KCNH8: variants seen among roughly 807,000 people sequenced by gnomAD.
The protein encoded by KCNH8 is potassium voltage-gated channel subfamily H member 8.
Under a neutral mutation model 103.6 loss-of-function variants are expected in KCNH8, and 70 were observed. That is an observed-to-expected ratio of 0.68 (90% CI 0.56 to 0.82). The LOEUF (loss-of-function observed/expected upper bound fraction) is 0.82, where lower values mean the gene tolerates loss of function less well. KCNH8 is among the 40% of genes least tolerant of loss of function. The pLI, the probability that KCNH8 is intolerant of heterozygous loss-of-function variation, is 0.00. For synonymous variants in KCNH8, 498 were observed against 489.4 expected (o/e 1.02, Z -0.23); for missense variants, 1,217 against 1,329.9 (o/e 0.92, Z 1.32).
intron 11 of KCNH8, among the ~76,000 whole-genome samples, chr3:19,493,965 A>G (rs752441887): frequency 1.3e-5 from 2 of 152,164 alleles, no homozygotes; most frequent in African/African-American, 2.4e-5. Flanking sequence ...TACTAAGCCT[A>G]GTATCCAATA....
intron 11 of KCNH8, among the ~76,000 whole-genome samples, chr3:19,482,568 A>G (rs530676794): frequency 6.6e-6 from 1 of 152,228 alleles, no homozygotes; most frequent in Non-Finnish European, 1.5e-5. Flanking sequence ...GTAAACAAGG[A>G]AGCAATAAGC....
intron 7 of KCNH8, among the ~76,000 whole-genome samples, chr3:19,411,778 C>A (rs568330768): frequency 6.7e-6 from 1 of 148,586 alleles, no homozygotes; most frequent in Non-Finnish European, 1.5e-5. Context: ...CACACACAGA[C>A]ACACACACAC....
At chr3:19,186,295 A>G (rs866676267) in intron 1 of KCNH8, among the ~76,000 whole-genome samples, 6,249 of 151,390 alleles carry the variant, frequency 0.041, 464 homozygotes, top group African/African-American at 0.14. Flanking sequence ...TGTAAAAAAA[A>G]AAAAAAAAGA....
chr3:19,302,635 A>G (rs151042746), intron 3 of KCNH8, among the ~76,000 whole-genome samples: 66 of 152,292 alleles, frequency 4.3e-4, no homozygotes, highest in African/African-American at 1.6e-3. Flanking sequence ...ATTTCTTCAT[A>G]TCCTTAGAAA....
intron 11 of KCNH8, among the ~76,000 whole-genome samples, chr3:19,494,979 T>C (rs1446988332): frequency 6.6e-6 from 1 of 152,224 alleles, no homozygotes; most frequent in Admixed American, 6.5e-5. Flanking sequence ...ATATGTTTTC[T>C]AGCCACTTGT....
At chr3:19,230,850 C>A (rs148892258) in intron 1 of KCNH8, among the ~76,000 whole-genome samples, 1 of 152,122 alleles carries the variant, frequency 6.6e-6, no homozygotes, top group Admixed American at 6.5e-5. Flanking sequence ...TTCTTCGGAA[C>A]GCAAATTTGC....
At chr3:19,227,750 A>T (rs2063947910) in intron 1 of KCNH8, among the ~76,000 whole-genome samples, 1 of 152,198 alleles carries the variant, frequency 6.6e-6, no homozygotes, top group Non-Finnish European at 1.5e-5. Context: ...ATTGTGAAGT[A>T]TAGATAATGT....
chr3:19,487,494 A>G (rs1170313199), intron 11 of KCNH8, among the ~76,000 whole-genome samples: 1 of 152,054 alleles, frequency 6.6e-6, no homozygotes, highest in East Asian at 1.9e-4. Context: ...CCTGAGATGA[A>G]CCTGGATTCC....
chr3:19,463,365 G>C (rs904797787), intron 11 of KCNH8, among the ~76,000 whole-genome samples: 4 of 151,094 alleles, frequency 2.6e-5, no homozygotes, highest in African/African-American at 9.9e-5. Flanking sequence ...AAAGTTAATA[G>C]AGGACAAAAT....
intron 7 of KCNH8, among the ~76,000 whole-genome samples, chr3:19,403,399 T>TATATAA (rs1491066162): frequency 1.4e-5 from 2 of 139,768 alleles, no homozygotes; most frequent in South Asian, 2.3e-4. Flanking sequence ...TATATATATA[T>TATATAA]AAAATCCTTC....
At chr3:19,286,483 T>C (rs921692786) in intron 3 of KCNH8, among the ~76,000 whole-genome samples, 1 of 152,152 alleles carries the variant, frequency 6.6e-6, no homozygotes, top group African/African-American at 2.4e-5. Context: ...AACCTTAATC[T>C]TGAATCTCTA....
chr3:19,416,720 A>T (rs1225985700), intron 7 of KCNH8, among the ~76,000 whole-genome samples: 1 of 152,328 alleles, frequency 6.6e-6, no homozygotes, highest in South Asian at 2.1e-4. Flanking sequence ...CACCAATATT[A>T]TCACCTGCCC....
At chr3:19,258,953 A>C (rs901132636) in intron 2 of KCNH8, among the ~76,000 whole-genome samples, 2,130 of 86,374 alleles carry the variant, frequency 0.025, 15 homozygotes, top group African/African-American at 0.037. Context: ...CTCTCTATAT[A>C]TATATATATA....
intron 7 of KCNH8, among the ~76,000 whole-genome samples, chr3:19,411,908 T>G (rs2066786680): frequency 6.6e-6 from 1 of 151,972 alleles, no homozygotes; most frequent in African/African-American, 2.4e-5. Flanking sequence ...CATTCTATGC[T>G]CATGGATTAG....
At chr3:19,381,003 A>G (rs939205032) in intron 5 of KCNH8, among the ~76,000 whole-genome samples, 1 of 152,228 alleles carries the variant, frequency 6.6e-6, no homozygotes, top group African/African-American at 2.4e-5. Flanking sequence ...TATTTCAAAT[A>G]TAGAACATTT....
At chr3:19,268,454 C>A (rs2064543948) in intron 2 of KCNH8, among the ~76,000 whole-genome samples, 1 of 151,976 alleles carries the variant, frequency 6.6e-6, no homozygotes, top group Non-Finnish European at 1.5e-5. Flanking sequence ...AGCTGGAGGG[C>A]AGATAGCTGT....
In KCNH8 at chr3:19,253,793, G is replaced by GAGCAACT; in HGVS notation, c.216_217insAGCAACT (p.Val73SerfsTer4). 6.2e-7 allele frequency: 1 copy of GAGCAACT among 1,613,778 alleles called. No individual in the cohort carries two copies. The highest frequency in any genetic ancestry group is 8.5e-7 in the Non-Finnish European group (1 of 1,179,870). On this transcript the variant is annotated frameshift_variant, in exon 2 of 16. Transcript: ENST00000328405. LOFTEE classifies it high-confidence loss of function. ...GTTGTAGCTGCAAGTTCTTATTTGG[G>GAGCAACT]GTTGAAACCAATGAGCAACTGATGC...
intron 1 of KCNH8, among the ~76,000 whole-genome samples, chr3:19,199,259 A>T (rs372971294): frequency 7.9e-5 from 12 of 152,098 alleles, no homozygotes; most frequent in African/African-American, 2.7e-4. Context: ...TTTTCATCTG[A>T]CAGGGTGCTT....
chr3:19,390,787 ATTCTTCAGTTGATGAAGTTACT>A (rs2066425968), intron 6 of KCNH8, 149 bp downstream of exon 6: 1 of 646,116 alleles, frequency 1.5e-6, no homozygotes, highest in Non-Finnish European at 2.5e-6. Context: ...TGCAGGCCAG[ATTCTTCAGTTGATGAAGTTACT>A]TCCTTTTGAC....
Sources: allele counts gnomAD v4.1 joint callset (sites outside exome capture counted in the v4.1 genomes callset), GRCh38; gene constraint gnomAD v4.1.1; transcripts MANE v1.5; gene names NCBI Gene and HGNC (gene_info 2026-07-23, HGNC 2026-07-21).